RBFOX3: variants seen among roughly 807,000 people sequenced by gnomAD.
RBFOX3 encodes the protein RNA binding fox-1 homolog 3, also known as RNA binding protein fox-1 homolog 3.
RBFOX3 carries 17 observed loss-of-function variants against 48.7 expected under a neutral mutation model. The ratio of observed to expected loss-of-function variants is 0.35; its 90% CI spans 0.24 to 0.52. RBFOX3 has a LOEUF of 0.52. Ranked by LOEUF, RBFOX3 falls within the 20% of genes least tolerant of loss-of-function variation. The pLI is 0.94. For missense variants in RBFOX3, 382 were observed against 497.5 expected (o/e 0.77, Z 2.21); for synonymous variants, 212 against 209.5 (o/e 1.01, Z -0.10).
intron 4 of RBFOX3, among the ~76,000 whole-genome samples, chr17:79,159,365 G>A (rs2145226117): frequency 6.6e-6 from 1 of 152,246 alleles, no homozygotes; most frequent in African/African-American, 2.4e-5. Flanking sequence ...GGGCATGCCT[G>A]CCTGCGGCCC....
At chr17:79,594,314 C>T (rs902329885) in intron 1 of RBFOX3, among the ~76,000 whole-genome samples, 300 of 152,278 alleles carry the variant, frequency 2.0e-3, no homozygotes, top group Middle Eastern at 0.01. Context: ...GCTGTGGAGA[C>T]GGCACTCTGC....
chr17:79,425,021 G>A lies in RBFOX3; in HGVS notation c.-175+57433C>T, dbSNP rs187409102. Among the ~76,000 whole-genome samples, 299 of 152,172 alleles carry A rather than the reference G, an allele frequency of 2.0e-3. 2 individuals are homozygous for A. The highest frequency in any genetic ancestry group is 6.7e-3 in the African/African-American group (277 of 41,518). On this transcript the variant is annotated intron_variant, in intron 2 of 14. Transcript: ENST00000693108. ...TTAACATGTATCAGGTGACACTCAC[G>A]CCCTGCTAACCCCTCCACAAGCCTC...
the RBFOX3 span, among the ~76,000 whole-genome samples, chr17:79,622,598 C>G: frequency 1.3e-5 from 2 of 152,208 alleles, no homozygotes; most frequent in Non-Finnish European, 2.9e-5. Flanking sequence ...AGGCCTCTCT[C>G]CTTGCTCTCA....
intron 1 of RBFOX3, among the ~76,000 whole-genome samples, chr17:79,522,759 G>A (rs953607470): frequency 1.3e-5 from 2 of 151,906 alleles, no homozygotes; most frequent in African/African-American, 4.8e-5. Context: ...GTAAAACCCT[G>A]TATCTACTAA....
At chr17:79,162,381 TGAGTG>T (rs1450908157) in intron 4 of RBFOX3, among the ~76,000 whole-genome samples, 3 of 152,050 alleles carry the variant, frequency 2.0e-5, no homozygotes, top group African/African-American at 7.2e-5. Context: ...CCCAGCCCGG[TGAGTG>T]GAGTGCCGCG....
chr17:79,656,807 A>AAAGAAAGAAAG, the RBFOX3 span, among the ~76,000 whole-genome samples: 191 of 24,436 alleles, frequency 7.8e-3, 10 homozygotes, highest in African/African-American at 0.015. Context: ...AGAAAGAAAG[A>AAAGAAAGAAAG]AAAGAAAGAG....
intron 2 of RBFOX3, among the ~76,000 whole-genome samples, chr17:79,337,333 T>A (rs1473589508): frequency 6.6e-6 from 1 of 152,220 alleles, no homozygotes; most frequent in African/African-American, 2.4e-5. Context: ...GCACCACTGC[T>A]ATTTCCAGAA....
intron 4 of RBFOX3, among the ~76,000 whole-genome samples, chr17:79,176,862 G>A (rs191664752): frequency 1.3e-5 from 2 of 152,226 alleles, no homozygotes; most frequent in African/African-American, 2.4e-5. Context: ...GGCCACAGCT[G>A]ATCATAAAGG....
chr17:79,379,351 C>T (rs992081902), intron 2 of RBFOX3, among the ~76,000 whole-genome samples: 23 of 152,276 alleles, frequency 1.5e-4, no homozygotes, highest in African/African-American at 5.5e-4. Flanking sequence ...TCCGAGAGCT[C>T]ACAAAATCCT....
intron 1 of RBFOX3, among the ~76,000 whole-genome samples, chr17:79,489,756 T>TG (rs2080214260): frequency 6.6e-6 from 1 of 152,210 alleles, no homozygotes; most frequent in Admixed American, 6.5e-5. Flanking sequence ...TTACACTAGC[T>TG]TCTCCCTGGG....
chr17:79,434,843 C>CG (rs2069103014), intron 2 of RBFOX3, among the ~76,000 whole-genome samples: 1 of 152,064 alleles, frequency 6.6e-6, no homozygotes, highest in Non-Finnish European at 1.5e-5. Context: ...TCCGGGGCTA[C>CG]GGGGAATCAG....
Position 79,364,359 on chromosome 17 carries a change from C to A in RBFOX3, c.-174-56535G>T, listed in dbSNP as rs1482621353. On this transcript the variant is annotated intron_variant, in intron 2 of 14. Coordinates refer to ENST00000693108, the MANE Select transcript of RBFOX3 (RefSeq NM_001350451.2). This position sits in a 1 kb window ranked among gnomAD's most constrained non-coding sequence, Gnocchi z 5.1. ...ACTTGCAGTCTATAGAAGACACACGCTTGGGTGTTCCTTGAATGACGGGGC... is the reference window on the plus strand; with the variant it reads ...ACTTGCAGTCTATAGAAGACACACGATTGGGTGTTCCTTGAATGACGGGGC... Among the ~76,000 whole-genome samples the A allele has an allele frequency of 1.3e-5, 2 of 152,212 alleles. No individual in the cohort carries two copies. The highest frequency in any genetic ancestry group is 2.9e-5 in the Non-Finnish European group (2 of 68,034).
At chr17:79,268,652 C>A (rs768645285) in intron 3 of RBFOX3, among the ~76,000 whole-genome samples, 51 of 152,228 alleles carry the variant, frequency 3.4e-4, no homozygotes, top group South Asian at 8.3e-4. Context: ...AAGCCACACT[C>A]ATGCCCTGGC....
intron 2 of RBFOX3, among the ~76,000 whole-genome samples, chr17:79,315,362 C>T (rs556610278): frequency 2.0e-5 from 3 of 152,316 alleles, no homozygotes; most frequent in South Asian, 4.2e-4. Flanking sequence ...TTCTCCATAC[C>T]GAGAAGGAGG....
At chr17:79,579,528 A>G (rs959008303) in intron 1 of RBFOX3, among the ~76,000 whole-genome samples, 6,798 of 152,182 alleles carry the variant, frequency 0.045, 247 homozygotes, top group East Asian at 0.17. Context: ...ATGCTGAGGC[A>G]AGGCTGTGGA....
intron 14 of RBFOX3, chr17:79,094,198 C>A: frequency 2.3e-6 from 1 of 426,048 alleles, no homozygotes; most frequent in Non-Finnish European, 4.1e-6. Flanking sequence ...ACGGATCAGG[C>A]ACATTGGGGT....
At chr17:79,197,555 AT>A (rs61699209) in intron 4 of RBFOX3, among the ~76,000 whole-genome samples, 116,683 of 149,234 alleles carry the variant, frequency 0.78, 46,084 homozygotes, top group Non-Finnish European at 0.84. Context: ...CATCCTGCCA[AT>A]TTTTTTTTTT....
intron 2 of RBFOX3, among the ~76,000 whole-genome samples, chr17:79,355,846 G>A (rs2084881858): frequency 6.6e-6 from 1 of 152,206 alleles, no homozygotes; most frequent in African/African-American, 2.4e-5. Context: ...TTCCCAAAGT[G>A]CTAGAATTAC....
chr17:79,347,309 T>G (rs2083075162), intron 2 of RBFOX3, among the ~76,000 whole-genome samples: 1 of 152,216 alleles, frequency 6.6e-6, no homozygotes, highest in Admixed American at 6.5e-5. Context: ...ACTGTAAGTG[T>G]ATAGGTTTTG....
Sources: gnomAD v4.1 joint callset for allele counts (sites outside exome capture counted in the v4.1 genomes callset) on GRCh38, gnomAD v4.1.1 for gene constraint, Gnocchi (gnomAD v3.1) non-coding constraint, MANE v1.5 for transcripts, NCBI Gene and HGNC (gene_info 2026-07-23, HGNC 2026-07-21) for gene names.